The following SND1 variants were observed in gnomAD, a reference collection of about 807,000 sequenced individuals.
SND1 encodes the protein staphylococcal nuclease domain-containing protein 1.
Under a neutral mutation model 121.7 loss-of-function variants are expected in SND1, and 38 were observed. The ratio of observed to expected loss-of-function variants is 0.31; its 90% CI spans 0.24 to 0.41. The LOEUF (loss-of-function observed/expected upper bound fraction) is 0.41, where lower values mean the gene tolerates loss of function less well. Ranked by LOEUF, SND1 falls within the 10% of genes least tolerant of loss-of-function variation. SND1 has a pLI of 1.00. For synonymous variants in SND1, 401 were observed against 447.4 expected (o/e 0.90, Z 1.31); for missense variants, 868 against 1,184.6 (o/e 0.73, Z 3.92).
chr7:127,889,342 G>C (rs1373675951), intron 13 of SND1, among the ~76,000 whole-genome samples: 1 of 150,886 alleles, frequency 6.6e-6, no homozygotes, highest in Non-Finnish European at 1.5e-5. Flanking sequence ...CATGATCTTG[G>C]TTCTGTTTTG....
intron 16 of SND1, among the ~76,000 whole-genome samples, chr7:128,055,646 G>T (rs1436239791): frequency 6.6e-6 from 1 of 152,182 alleles, no homozygotes; most frequent in Non-Finnish European, 1.5e-5. Flanking sequence ...GCTCCGCCTG[G>T]GATCACTGGA....
chr7:128,031,953 C>T (rs1369781036), intron 16 of SND1: 1 of 151,400 alleles, frequency 6.6e-6, no homozygotes, highest in Non-Finnish European at 1.5e-5. Context: ...AGCCCAGGAA[C>T]ATAGTCCCCG....
At chr7:127,949,726 C>T (rs1364271324) in intron 15 of SND1, among the ~76,000 whole-genome samples, 13 of 152,158 alleles carry the variant, frequency 8.5e-5, no homozygotes, top group African/African-American at 2.9e-4. Flanking sequence ...TTGAAGCTGC[C>T]TCCCAGCTTG....
At chr7:127,820,804 A>T (rs1287465549) in intron 11 of SND1, among the ~76,000 whole-genome samples, 1 of 152,076 alleles carries the variant, frequency 6.6e-6, no homozygotes, top group Non-Finnish European at 1.5e-5. Flanking sequence ...TCACTTTCCA[A>T]TGTGTATGCT....
chr7:127,738,783 A>G (rs894022035), intron 10 of SND1, among the ~76,000 whole-genome samples: 12 of 152,036 alleles, frequency 7.9e-5, no homozygotes, highest in Middle Eastern at 3.2e-3. Context: ...GGGGGAGGTA[A>G]GAGCTAAGTT....
In SND1 at chr7:128,023,429, T is replaced by C. The variant is rs114029520; in HGVS notation, c.1779+32373T>C. 6.4e-3 allele frequency among the ~76,000 whole-genome samples: 968 copies of C among 152,292 alleles called. 11 individuals carry two copies. Among genetic ancestry groups the C allele is most frequent in the African/African-American group, 0.022 (924 of 41,570 alleles). ...AGAAGACATTAGGAAGTTTACCTTC[T>C]TGGTAAAGGACCTAGGCTTCCCAAG... On this transcript the variant is annotated intron_variant, in intron 16 of 23. Coordinates refer to ENST00000354725, the MANE Select transcript of SND1 (RefSeq NM_014390.4).
Position 127,694,884 on chromosome 7 carries a change from C to G in SND1, c.285C>G (p.Val95=). The G allele has an allele frequency of 6.2e-7, 1 of 1,613,946 alleles. No individual in the cohort carries two copies. The highest frequency in any genetic ancestry group is 8.5e-7 in the Non-Finnish European group (1 of 1,179,884). ...GAAAGAAGCTGATTGGGAAGGAAGT[C>G]TGTTTCACGATAGAAAACAAGACTC... ...FLRKKLIGKE[V]CFTIENKTPQ... The change falls in exon 3 of 24, where the codon GTC becomes GTG. Residue 95 remains valine, a synonymous_variant. Transcript: ENST00000354725.
At chr7:128,070,323 C>G (rs146114062) in intron 16 of SND1, among the ~76,000 whole-genome samples, 1 of 152,222 alleles carries the variant, frequency 6.6e-6, no homozygotes, top group Non-Finnish European at 1.5e-5. Context: ...GTCCCTCGCC[C>G]ATGCTGCTTG....
At chr7:127,843,367 A>G (rs928378248) in intron 11 of SND1, among the ~76,000 whole-genome samples, 2 of 152,154 alleles carry the variant, frequency 1.3e-5, no homozygotes, top group Non-Finnish European at 2.9e-5. Flanking sequence ...TACGCTAAAA[A>G]TTCCCTATTC....
chr7:127,784,234 G>C (rs1797773255), intron 10 of SND1, among the ~76,000 whole-genome samples: 1 of 152,056 alleles, frequency 6.6e-6, no homozygotes, highest in African/African-American at 2.4e-5. Flanking sequence ...GTAAAATTCA[G>C]ATCACATCAC....
chr7:128,030,622 C>T (rs1360377513), intron 16 of SND1: 1 of 1,565,530 alleles, frequency 6.4e-7, no homozygotes, highest in Admixed American at 1.8e-5. Context: ...TGCACAGTTA[C>T]CTGCCACAAG....
intron 10 of SND1, among the ~76,000 whole-genome samples, chr7:127,744,911 A>G (rs980837969): frequency 6.6e-6 from 1 of 152,222 alleles, no homozygotes; most frequent in Admixed American, 6.5e-5. Context: ...TGATTATTCT[A>G]AGTATTGTCT....
intron 15 of SND1, among the ~76,000 whole-genome samples, chr7:127,982,443 C>A (rs1398418362): frequency 1.3e-5 from 2 of 152,190 alleles, no homozygotes; most frequent in Non-Finnish European, 2.9e-5. Flanking sequence ...TAATTAGGAT[C>A]CCTTCATTCT....
At chr7:127,803,034 C>G (rs1204946483) in intron 10 of SND1, among the ~76,000 whole-genome samples, 1 of 152,140 alleles carries the variant, frequency 6.6e-6, no homozygotes, top group Non-Finnish European at 1.5e-5. Flanking sequence ...CTGCTCCATC[C>G]TTTTCTTGTC....
chr7:128,037,507 A>G (rs576055646), intron 16 of SND1, among the ~76,000 whole-genome samples: 22 of 152,136 alleles, frequency 1.4e-4, no homozygotes, highest in Admixed American at 2.0e-4. Context: ...ATGTACCCCT[A>G]TTTTTCTAGG....
chr7:127,722,721 A>G (rs1361227776), intron 10 of SND1, among the ~76,000 whole-genome samples: 1 of 152,188 alleles, frequency 6.6e-6, no homozygotes, highest in Non-Finnish European at 1.5e-5. Flanking sequence ...AGTAAAATAA[A>G]AATATGATTG....
intron 16 of SND1, among the ~76,000 whole-genome samples, chr7:128,040,735 C>A (rs1487558494): frequency 6.6e-6 from 1 of 152,218 alleles, no homozygotes. Flanking sequence ...TGGGTTTCTT[C>A]TTGTATCTCT....
chr7:128,058,499 A>C (rs1334293668), intron 16 of SND1, among the ~76,000 whole-genome samples: 1 of 152,244 alleles, frequency 6.6e-6, no homozygotes, highest in East Asian at 1.9e-4. Flanking sequence ...ACCTCTGTGC[A>C]GTTCTGCCAA....
chr7:127,677,406 C>G (rs572667269), intron 1 of SND1, among the ~76,000 whole-genome samples: 1 of 152,204 alleles, frequency 6.6e-6, no homozygotes, highest in Non-Finnish European at 1.5e-5. Flanking sequence ...TTGCCATATA[C>G]TGCAGCTCCT....
Sources: gnomAD v4.1 joint callset for allele counts (sites outside exome capture counted in the v4.1 genomes callset) on GRCh38, gnomAD v4.1.1 for gene constraint, MANE v1.5 for transcripts, NCBI Gene and HGNC (gene_info 2026-07-23, HGNC 2026-07-21) for gene names.